ORC2: variants seen among roughly 807,000 people sequenced by gnomAD.
ORC2 encodes origin recognition complex subunit 2, also known as origin recognition complex protein 2 homolog.
ORC2 carries 37 observed loss-of-function variants against 77.7 expected under a neutral mutation model. The observed-to-expected ratio is 0.48, with a 90% confidence interval of 0.37 to 0.63. The LOEUF is 0.63. ORC2 is among the 20% of genes least tolerant of loss of function. ORC2 has a pLI of 0.00. For synonymous variants in ORC2, 201 were observed against 229.5 expected (o/e 0.88, Z 1.12); for missense variants, 557 against 661.9 (o/e 0.84, Z 1.74).
chr2:200,930,457 A>G (rs534024517), intron 11 of ORC2, among the ~76,000 whole-genome samples: 1 of 152,132 alleles, frequency 6.6e-6, no homozygotes, highest in South Asian at 2.1e-4. Flanking sequence ...AGTTATTGAG[A>G]GAAGCTGAGG....
At chr2:200,962,773 A>G (rs1256810347) in intron 1 of ORC2, among the ~76,000 whole-genome samples, 2 of 152,220 alleles carry the variant, frequency 1.3e-5, no homozygotes, top group African/African-American at 4.8e-5. Flanking sequence ...ATAACGGTGT[A>G]GGGCCGTGCT....
chr2:200,953,474 T>G (rs528793763), intron 4 of ORC2, among the ~76,000 whole-genome samples: 12 of 152,138 alleles, frequency 7.9e-5, no homozygotes, highest in African/African-American at 2.9e-4. Context: ...TTGGAACCCT[T>G]GTACACTGTA....
chr2:200,928,031 TC>T (rs1184642752), intron 11 of ORC2, among the ~76,000 whole-genome samples: 1 of 151,186 alleles, frequency 6.6e-6, no homozygotes, highest in Non-Finnish European at 1.5e-5. Flanking sequence ...TTCTTCCTCT[TC>T]CTTCCTAAAA....
chr2:200,930,506 C>CTTT (rs572005723), intron 11 of ORC2, among the ~76,000 whole-genome samples: 12 of 136,298 alleles, frequency 8.8e-5, no homozygotes. Flanking sequence ...CCTAGCATAA[C>CTTT]TTTTTTTTTT....
At chr2:200,932,236 A>G (rs1463093765) in intron 10 of ORC2, among the ~76,000 whole-genome samples, 2 of 151,424 alleles carry the variant, frequency 1.3e-5, no homozygotes, top group Non-Finnish European at 2.9e-5. Flanking sequence ...AAGCACTAAT[A>G]TCTTTTCCAG....
intron 13 of ORC2, among the ~76,000 whole-genome samples, chr2:200,922,123 G>A (rs575540106): frequency 1.6e-5 from 2 of 121,406 alleles, no homozygotes; most frequent in African/African-American, 3.1e-5. Flanking sequence ...TATCACAAAA[G>A]CCAAAGGAGA....
rs559693613 is a variant in ORC2, at chr2:200,927,250, A to G, written c.918-350T>C. Among the ~76,000 whole-genome samples, 362 of 152,016 alleles carry G rather than the reference A, an allele frequency of 2.4e-3. 1 individual carries two copies. Among genetic ancestry groups the G allele is most frequent in the African/African-American group, 8.0e-3 (333 of 41,466 alleles). On this transcript the variant is annotated intron_variant, in intron 11 of 17. Transcript: ENST00000234296. ...AGCTGTGCACCACCATACCTGGCTAATTTTTATATTTTTACTAGAGATGAG... is the reference window on the plus strand; with the variant it reads ...AGCTGTGCACCACCATACCTGGCTAGTTTTTATATTTTTACTAGAGATGAG...
chr2:200,924,355 AG>A lies in ORC2; in HGVS notation c.1147+1480del, dbSNP rs529160604. Among the ~76,000 whole-genome samples the A allele has an allele frequency of 2.4e-3, 362 of 152,196 alleles. 1 individual carries two copies. The highest frequency in any genetic ancestry group is 8.0e-3 in the African/African-American group (333 of 41,530). On this transcript the variant is annotated intron_variant, in intron 13 of 17. Coordinates refer to ENST00000234296, the MANE Select transcript of ORC2 (RefSeq NM_006190.5). ...GAGCAAGACTGTGTTAAAAAAAAAA[AG>A]TATACGGTCCATTTCTATAAAGAAC... is the stretch of plus-strand genomic sequence containing the variant.
chr2:200,933,284 T>C (rs1415541601), intron 10 of ORC2, among the ~76,000 whole-genome samples: 1 of 151,286 alleles, frequency 6.6e-6, no homozygotes, highest in Admixed American at 6.6e-5. Flanking sequence ...CATAGTAATC[T>C]TGTTACCTTA....
At chr2:200,948,774 G>A (rs2041297344) in intron 5 of ORC2, among the ~76,000 whole-genome samples, 1 of 151,908 alleles carries the variant, frequency 6.6e-6, no homozygotes. Flanking sequence ...ATGTTAGCCA[G>A]GCTGGTCTCA....
chr2:200,922,885 A>C (rs1167290329), intron 13 of ORC2, among the ~76,000 whole-genome samples: 2 of 152,252 alleles, frequency 1.3e-5, no homozygotes, highest in Non-Finnish European at 2.9e-5. Flanking sequence ...TATGTTGAAA[A>C]CTAAAGACAA....
intron 12 of ORC2, among the ~76,000 whole-genome samples, chr2:200,926,468 T>C (rs2040840144): frequency 1.3e-5 from 2 of 152,240 alleles, no homozygotes; most frequent in South Asian, 4.1e-4. Context: ...AGCATTTTCA[T>C]AGTTTATAAC....
chr2:200,947,154 GGC>G (rs2041265477), intron 5 of ORC2, among the ~76,000 whole-genome samples: 1 of 151,604 alleles, frequency 6.6e-6, no homozygotes, highest in East Asian at 1.9e-4. Context: ...CACCTACCTC[GGC>G]CTCCCAAAGT....
At chr2:200,939,175 G>A (rs183176642) in intron 7 of ORC2, among the ~76,000 whole-genome samples, 6 of 151,936 alleles carry the variant, frequency 3.9e-5, no homozygotes, top group East Asian at 3.9e-4. Context: ...CCCAGTACAC[G>A]TGTATATATA....
intron 8 of ORC2, among the ~76,000 whole-genome samples, chr2:200,936,566 G>A (rs1193431390): frequency 1.3e-5 from 2 of 152,148 alleles, no homozygotes; most frequent in Admixed American, 6.5e-5. Context: ...CATGGAACTT[G>A]CATCTCCATA....
chr2:200,947,972 G>A (rs934011440), intron 5 of ORC2, among the ~76,000 whole-genome samples: 2 of 151,470 alleles, frequency 1.3e-5, no homozygotes, highest in Non-Finnish European at 2.9e-5. Flanking sequence ...GCAGTGGCGC[G>A]ATCTCGGCTC....
chr2:200,937,925 A>G lies in ORC2; in HGVS notation c.495T>C (p.Ser165=), dbSNP rs1246938868. 1 of 1,600,952 alleles carries G rather than the reference A, an allele frequency of 6.2e-7. No homozygotes were observed. The highest frequency in any genetic ancestry group is 1.3e-5 in the African/African-American group (1 of 74,504). The change falls in exon 8 of 18, where the codon AGT becomes AGC. Residue 165 remains serine, a synonymous_variant. Transcript: ENST00000234296. ...ACGTACCTATTAATCTTTTTCTTAG[A>G]CTACGAGGTGCTGTTGACAGAAATT... The part of the protein sequence containing the change: ...KSEFLSTAPR[S]LRKRLIVPRS...
intron 12 of ORC2, 93 bp from the exon 13 acceptor site, chr2:200,926,025 G>T: frequency 1.9e-6 from 1 of 524,840 alleles, no homozygotes; most frequent in Non-Finnish European, 3.4e-6. Context: ...AATTAAAAAT[G>T]AATTTGGATT....
chr2:200,940,750 C>T (rs1409338878), intron 7 of ORC2, among the ~76,000 whole-genome samples: 1 of 151,814 alleles, frequency 6.6e-6, no homozygotes, highest in African/African-American at 2.4e-5. Context: ...TGCAGTGAGC[C>T]GAGACCACGC....
Sources: gnomAD v4.1 joint callset for allele counts (sites outside exome capture counted in the v4.1 genomes callset) on GRCh38, gnomAD v4.1.1 for gene constraint, MANE v1.5 for transcripts, NCBI Gene and HGNC (gene_info 2026-07-23, HGNC 2026-07-21) for gene names.